Variants in FRMPD4 observed in about 807,000 individuals in gnomAD.
FRMPD4 encodes FERM and PDZ domain containing 4, also known as FERM and PDZ domain-containing protein 4.
FRMPD4 carries 22 observed loss-of-function variants against 94.1 expected under a neutral mutation model. That is an observed-to-expected ratio of 0.23 (90% confidence interval 0.17 to 0.33). The LOEUF is 0.33. Ranked by LOEUF, FRMPD4 falls within the 10% of genes least tolerant of loss-of-function variation. FRMPD4 has a pLI of 1.00. For synonymous variants in FRMPD4, 631 were observed against 548.6 expected, an observed-to-expected ratio of 1.15 and a Z score of -2.10; for missense variants, 1,111 against 1,339.9, an observed-to-expected ratio of 0.83 and a Z score of 2.67.
At chrX:11,982,325 C>T (rs944050508) in intron 3 of FRMPD4, among the ~76,000 whole-genome samples, 2 of 109,060 alleles carry the variant, frequency 1.8e-5, no homozygotes, top group African/African-American at 3.3e-5. Context: ...TTTTTTTCCC[C>T]GTCTTTTGAG....
Position 12,331,974 on chromosome X carries a change from AT to A in FRMPD4, c.42-166705del, listed in dbSNP as rs1339667161. Among the ~76,000 whole-genome samples the A allele has an allele frequency of 5.1e-3, 246 of 47,859 alleles. 2 individuals carry two copies. The highest frequency in any genetic ancestry group is 0.025 in the African/African-American group (207 of 8,339). 41.6% of individuals were successfully genotyped at this position (47,859 alleles called of 115,157 possible). On this transcript the variant is annotated intron_variant, in intron 1 of 16. Coordinates refer to ENST00000675598, the MANE Select transcript of FRMPD4 (RefSeq NM_001368397.1). Reference sequence around the variant, plus strand: ...TTTATATACTATATATAAATTATATATATTTATATACTATATATAAATTATA... The same window carrying A: ...TTTATATACTATATATAAATTATATAATTTATATACTATATATAAATTATA...
At chrX:12,454,450 T>C (rs945681175) in intron 1 of FRMPD4, among the ~76,000 whole-genome samples, 4 of 111,718 alleles carry the variant, frequency 3.6e-5, no homozygotes, top group Non-Finnish European at 7.5e-5. Flanking sequence ...ACTACAATAC[T>C]GCAAGATTCC....
intron 1 of FRMPD4, among the ~76,000 whole-genome samples, chrX:12,171,558 C>T (rs1374365054): frequency 9.0e-6 from 1 of 111,072 alleles, no homozygotes; most frequent in Non-Finnish European, 1.9e-5. Flanking sequence ...TGGAGGGCTA[C>T]CTTACAACTT....
At chrX:12,451,505 TATC>T (rs1266391260) in intron 1 of FRMPD4, among the ~76,000 whole-genome samples, 2 of 111,734 alleles carry the variant, frequency 1.8e-5, no homozygotes, top group Non-Finnish European at 3.8e-5. Flanking sequence ...ATGGCATACA[TATC>T]ATATTTTGAC....
rs374429572 is a variant in FRMPD4, at chrX:12,478,182, C to G, written c.42-20498C>G. 1.3e-4 allele frequency among the ~76,000 whole-genome samples: 15 copies of G among 112,088 alleles called. No individual in the cohort carries two copies. The South Asian group carries it at 5.7e-3, about 42-fold the overall frequency. On this transcript the variant is annotated intron_variant, in intron 1 of 16. Coordinates refer to ENST00000675598, the MANE Select transcript of FRMPD4 (RefSeq NM_001368397.1). ...CATGTGCCTCAATTGGCACCTTCTG[C>G]TCCCAGGAAGAAGGAGGTCTCTGGA...
intron 3 of FRMPD4, among the ~76,000 whole-genome samples, chrX:12,084,081 CA>C (rs2055083984): frequency 2.9e-5 from 3 of 104,865 alleles, no homozygotes; most frequent in African/African-American, 7.0e-5. Flanking sequence ...TTGGAGGGGC[CA>C]GGGGGCAGAA....
chrX:12,341,953 A>C (rs1403187099), intron 1 of FRMPD4, among the ~76,000 whole-genome samples: 1 of 112,148 alleles, frequency 8.9e-6, no homozygotes, highest in Non-Finnish European at 1.9e-5. Context: ...AAATGGAAAG[A>C]AAGTAATTTA....
intron 1 of FRMPD4, among the ~76,000 whole-genome samples, chrX:12,414,307 A>AGAT (rs1489668263): frequency 8.9e-6 from 1 of 112,373 alleles, no homozygotes; most frequent in Non-Finnish European, 1.9e-5. Context: ...ACTTTCTGGC[A>AGAT]GATTACAGTT....
intron 1 of FRMPD4, among the ~76,000 whole-genome samples, chrX:12,202,420 G>A (rs758165861): frequency 4.2e-4 from 47 of 111,670 alleles, no homozygotes; most frequent in African/African-American, 1.4e-3. Context: ...TTCTGCCCTC[G>A]GAATAACATC....
chrX:12,548,508 ACTTCTCAACTCTGG>A (rs1362746359), intron 2 of FRMPD4, among the ~76,000 whole-genome samples: 1 of 112,350 alleles, frequency 8.9e-6, no homozygotes, highest in Non-Finnish European at 1.9e-5. Context: ...CTGAAACTGT[ACTTCTCAACTCTGG>A]CTTCTCAACT....
intron 2 of FRMPD4, among the ~76,000 whole-genome samples, chrX:12,553,466 A>ATATATCTATC (rs368999462): frequency 3.5e-4 from 27 of 78,047 alleles, no homozygotes; most frequent in African/African-American, 1.3e-3. Flanking sequence ...ATATATATAT[A>ATATATCTATC]TCTAATCCAC....
intron 1 of FRMPD4, among the ~76,000 whole-genome samples, chrX:12,250,370 TAGAC>T (rs1057501411): frequency 9.0e-6 from 1 of 111,562 alleles, no homozygotes; most frequent in Admixed American, 9.6e-5. Flanking sequence ...CATGGCAAAA[TAGAC>T]AGATGCGATC....
intron 1 of FRMPD4, among the ~76,000 whole-genome samples, chrX:12,354,200 G>A (rs958645879): frequency 3.6e-5 from 4 of 112,069 alleles, no homozygotes; most frequent in Non-Finnish European, 1.9e-5. Flanking sequence ...TTTGTCTAAC[G>A]CAAGTTCATC....
At chrX:12,188,192 G>A (rs1466547818) in intron 1 of FRMPD4, among the ~76,000 whole-genome samples, 8 of 111,883 alleles carry the variant, frequency 7.2e-5, no homozygotes, top group Non-Finnish European at 1.5e-4. Context: ...GTCTCTAAAA[G>A]CAGCATGTCT....
intron 3 of FRMPD4, among the ~76,000 whole-genome samples, chrX:11,999,357 T>A (rs981416704): frequency 8.9e-6 from 1 of 112,026 alleles, no homozygotes; most frequent in African/African-American, 3.2e-5. Flanking sequence ...TTGCACCATC[T>A]CTATGATAAG....
At chrX:12,061,517 G>A (rs2054886315) in intron 3 of FRMPD4, among the ~76,000 whole-genome samples, 1 of 111,887 alleles carries the variant, frequency 8.9e-6, no homozygotes, top group Non-Finnish European at 1.9e-5. Context: ...GGTAAAAAGA[G>A]AGATGAAGTT....
At chrX:12,508,279 C>A (rs2058006184) in intron 2 of FRMPD4, among the ~76,000 whole-genome samples, 1 of 103,369 alleles carries the variant, frequency 9.7e-6, no homozygotes, top group East Asian at 3.0e-4. Context: ...TCAGGTGGTT[C>A]TTTTTTTTTT....
intron 1 of FRMPD4, among the ~76,000 whole-genome samples, chrX:12,351,438 T>C (rs140257051): frequency 4.7e-4 from 52 of 111,785 alleles, no homozygotes; most frequent in African/African-American, 1.7e-3. Flanking sequence ...CATTTTTCTT[T>C]CAACTGGGGG....
intron 15 of FRMPD4, 137 bp downstream of exon 15, chrX:12,717,270 A>G (rs1027848681): frequency 3.6e-5 from 17 of 475,794 alleles, no homozygotes; most frequent in Admixed American, 8.3e-5. Context: ...TGAAACTGCC[A>G]TCATGGGTTT....
Sources: gnomAD v4.1 joint callset for allele counts (sites outside exome capture counted in the v4.1 genomes callset) on GRCh38, gnomAD v4.1.1 for gene constraint, MANE v1.5 for transcripts, NCBI Gene and HGNC (gene_info 2026-07-23, HGNC 2026-07-21) for gene names.